Variants in LHFPL4 observed in about 807,000 individuals in gnomAD.
LHFPL4 encodes LHFPL tetraspan subfamily member 4 protein.
In LHFPL4, 6 loss-of-function variants were observed where a neutral mutation model predicts 20.0. That is an observed-to-expected ratio of 0.30 (90% CI 0.16 to 0.59). LHFPL4 has a LOEUF of 0.59. LHFPL4 is among the 20% of genes least tolerant of loss of function. LHFPL4 has a pLI of 0.88. For synonymous variants in LHFPL4, 129 were observed against 143.8 expected (o/e 0.90, Z 0.74); for missense variants, 215 against 331.2 (o/e 0.65, Z 2.72).
At position 9,552,417 on chromosome 3, in the gene LHFPL4, G is replaced by A; in HGVS notation, c.263C>T (p.Pro88Leu). The change falls in exon 2 of 4, where the codon CCG becomes CTG. Residue 88 changes from proline to leucine, a missense_variant. Transcript: ENST00000287585. The part of the protein sequence containing the change: ...RGSFTDFSTI[P>L]SSAFKAAAFF... The stretch of plus-strand genomic sequence containing the variant: ...GGCGGCCGCCTTGAAGGCGCTGGAC[G>A]GGATGGTGCTGAAGTCGGTGAAGGA... 6.2e-7 allele frequency: 1 copy of A among 1,613,838 alleles called. No homozygotes were observed. Among genetic ancestry groups the A allele is most frequent in the South Asian group, 1.1e-5 (1 of 91,072 alleles).
chr3:9,547,060 C>T (rs1359167627), intron 2 of LHFPL4, among the ~76,000 whole-genome samples: 1 of 152,292 alleles, frequency 6.6e-6, no homozygotes, highest in East Asian at 1.9e-4. Flanking sequence ...ATGATCATGG[C>T]TCACTGCAGC....
rs112756693 is a variant in LHFPL4 at position 9,506,474 on chromosome 3, C to A, written c.407-271G>T. Among the ~76,000 whole-genome samples the A allele has an allele frequency of 2.2e-3, 332 of 152,324 alleles. 2 individuals are homozygous for A. Among genetic ancestry groups the A allele is most frequent in the Non-Finnish European group, 3.4e-3 (228 of 68,036 alleles). ...ATCAACTCCTCCTCCAGGAAGCATT[C>A]TGGGAATATGAGAACATAGCCACCC... On this transcript the variant is annotated intron_variant, in intron 2 of 3. Transcript: ENST00000287585. The surrounding 1 kb of genome is among the most constrained non-coding windows in gnomAD (Gnocchi z 4.5).
At position 9,505,958 on chromosome 3, in the gene LHFPL4, C is replaced by G; in HGVS notation, c.643+9G>C. The G allele has an allele frequency of 6.2e-7, 1 of 1,613,642 alleles. No individual in the cohort carries two copies. The highest frequency in any genetic ancestry group is 1.1e-5 in the South Asian group (1 of 91,058). On this transcript the variant is annotated intron_variant, in intron 3 of 3. Transcript: ENST00000287585. ...CCCGCCGCTGCCCCCCAGCCCACAG[C>G]ACACTCGCCTTTGTTCTCCGGCTTG...
intron 2 of LHFPL4, among the ~76,000 whole-genome samples, chr3:9,532,648 T>C (rs2046417334): frequency 6.6e-6 from 1 of 152,226 alleles, no homozygotes; most frequent in African/African-American, 2.4e-5. Context: ...GCTTATCTTT[T>C]TAATAGGGTT....
chr3:9,541,412 G>A (rs1460538849), intron 2 of LHFPL4, among the ~76,000 whole-genome samples: 1 of 152,192 alleles, frequency 6.6e-6, no homozygotes, highest in African/African-American at 2.4e-5. Context: ...CTGGGAAACT[G>A]AATAGCCACA....
intron 2 of LHFPL4, among the ~76,000 whole-genome samples, chr3:9,518,139 C>A (rs999125678): frequency 2.0e-5 from 3 of 152,100 alleles, no homozygotes; most frequent in African/African-American, 7.2e-5. Flanking sequence ...TCAACAAATG[C>A]TTTTCTTCTG....
intron 2 of LHFPL4, among the ~76,000 whole-genome samples, chr3:9,548,620 T>C (rs759742762): frequency 2.0e-5 from 3 of 152,178 alleles, no homozygotes; most frequent in Non-Finnish European, 4.4e-5. Context: ...AGCCCGCACA[T>C]ATTAGTGCTC....
intron 2 of LHFPL4, among the ~76,000 whole-genome samples, chr3:9,525,387 T>C (rs1158749934): frequency 1.3e-5 from 2 of 152,252 alleles, no homozygotes; most frequent in African/African-American, 2.4e-5. Flanking sequence ...TTTCTGCTCA[T>C]GGGTTCCTTC....
rs370835564 is a variant in LHFPL4, at chr3:9,552,623, C to T, written c.57G>A (p.Ser19=). The change falls in exon 2 of 4, where the codon TCG becomes TCA. Residue 19 remains serine, a synonymous_variant. Coordinates refer to ENST00000287585, the MANE Select transcript of LHFPL4 (RefSeq NM_198560.3). ...KLYHEHYMRN[S]RAIGVLWAIF... is the part of the protein sequence containing the mutation. The stretch of plus-strand genomic sequence containing the variant: ...TGGCCCACAGCACGCCGATGGCCCG[C>T]GAGTTCCGCATGTAGTGCTCGTGGT... 1.1e-5 allele frequency: 17 copies of T among 1,613,612 alleles called. No homozygotes were observed. The highest frequency in any genetic ancestry group is 4.0e-5 in the African/African-American group (3 of 74,894).
chr3:9,551,669 C>T (rs1326011122), intron 2 of LHFPL4, among the ~76,000 whole-genome samples: 1 of 152,128 alleles, frequency 6.6e-6, no homozygotes, highest in Non-Finnish European at 1.5e-5. Context: ...CCCATATCAC[C>T]CAATGCTTTC....
At position 9,544,145 on chromosome 3, in the gene LHFPL4, G is replaced by T. The variant is rs541109618; in HGVS notation, c.406+8129C>A. ...GGTACTCAAGAAACTGGTAATGGGG[G>T]TTGTCTCTGGGAGAAACAGGTGGGG... On this transcript the variant is annotated intron_variant, in intron 2 of 3. Coordinates refer to ENST00000287585, the MANE Select transcript of LHFPL4 (RefSeq NM_198560.3). Among the ~76,000 whole-genome samples, 15 of 152,208 alleles carry T rather than the reference G, an allele frequency of 9.9e-5. 1 individual carries two copies. The highest frequency in any genetic ancestry group is 9.8e-4 in the Admixed American group (15 of 15,282).
intron 2 of LHFPL4, among the ~76,000 whole-genome samples, chr3:9,542,467 A>G (rs1426523046): frequency 1.3e-5 from 2 of 152,146 alleles, no homozygotes; most frequent in African/African-American, 4.8e-5. Flanking sequence ...TCTAACATGA[A>G]TGAACTTTGA....
chr3:9,519,128 G>T (rs896784471), intron 2 of LHFPL4, among the ~76,000 whole-genome samples: 45 of 151,432 alleles, frequency 3.0e-4, no homozygotes, highest in African/African-American at 1.1e-3. Context: ...TAGTAGAGAT[G>T]GGGCTTCTCC....
intron 2 of LHFPL4, among the ~76,000 whole-genome samples, chr3:9,525,875 G>T (rs895150690): frequency 6.6e-6 from 1 of 152,154 alleles, no homozygotes; most frequent in African/African-American, 2.4e-5. Flanking sequence ...GCACAGAAAG[G>T]TTAAATGATG....
intron 2 of LHFPL4, among the ~76,000 whole-genome samples, chr3:9,526,934 T>A (rs2046379239): frequency 6.6e-6 from 1 of 151,964 alleles, no homozygotes; most frequent in African/African-American, 2.4e-5. Context: ...AAATTTTTGT[T>A]GTTTTAAGAA....
At chr3:9,520,528 AT>A (rs1005792644) in intron 2 of LHFPL4, among the ~76,000 whole-genome samples, 1 of 151,780 alleles carries the variant, frequency 6.6e-6, no homozygotes, top group Non-Finnish European at 1.5e-5. Context: ...TAATTTTTGT[AT>A]TTTTAGTAGA....
At chr3:9,502,632 G>A (rs1372887565) in intron 3 of LHFPL4, among the ~76,000 whole-genome samples, 2 of 151,794 alleles carry the variant, frequency 1.3e-5, no homozygotes. Context: ...GAACCCAGGA[G>A]GCAGAGATTG....
At chr3:9,504,733 T>G (rs149207796) in intron 3 of LHFPL4, among the ~76,000 whole-genome samples, 3,635 of 149,778 alleles carry the variant, frequency 0.024, 138 homozygotes, top group African/African-American at 0.079. Context: ...GCTGAGGCAG[T>G]AGAATGGTGT....
chr3:9,549,514 G>T (rs2046539229), intron 2 of LHFPL4, among the ~76,000 whole-genome samples: 1 of 152,074 alleles, frequency 6.6e-6, no homozygotes, highest in Non-Finnish European at 1.5e-5. Context: ...TGGCCAACAT[G>T]GCGAAACCCC....
Sources: gnomAD v4.1 joint callset for allele counts (sites outside exome capture counted in the v4.1 genomes callset) on GRCh38, gnomAD v4.1.1 for gene constraint, Gnocchi (gnomAD v3.1) non-coding constraint, MANE v1.5 for transcripts, NCBI Gene and HGNC (gene_info 2026-07-23, HGNC 2026-07-21) for gene names.